EIF2S1: variants seen among roughly 807,000 people sequenced by gnomAD.
EIF2S1 encodes the protein eukaryotic translation initiation factor 2 subunit 1.
EIF2S1 carries 5 observed loss-of-function variants against 33.5 expected under a neutral mutation model. The observed-to-expected ratio is 0.15, with a 90% CI of 0.08 to 0.31. EIF2S1 has a LOEUF of 0.31. EIF2S1 is among the 10% of genes least tolerant of loss of function. EIF2S1 has a pLI of 1.00. For missense variants in EIF2S1, 191 were observed against 384.6 expected (o/e 0.50, Z 4.21); for synonymous variants, 99 against 127.5 (o/e 0.78, Z 1.51).
At chr14:67,382,895 A>G (rs2085895872) in intron 7 of EIF2S1, among the ~76,000 whole-genome samples, 1 of 146,800 alleles carries the variant, frequency 6.8e-6, no homozygotes, top group Non-Finnish European at 1.5e-5. Context: ...AAGTGTGTGT[A>G]CGTGCGTGCG....
At chr14:67,383,287 G>A (rs753909867) in intron 7 of EIF2S1, 28 bp from the exon 8 acceptor site, 2 of 1,609,158 alleles carry the variant, frequency 1.2e-6, no homozygotes, top group African/African-American at 2.7e-5. Context: ...TACTACTTCA[G>A]TTTGAAATTA....
chr14:67,373,895 TTCCTTAAAC>T (rs1277409456), intron 2 of EIF2S1, among the ~76,000 whole-genome samples: 1 of 151,404 alleles, frequency 6.6e-6, no homozygotes, highest in East Asian at 1.9e-4. Context: ...GATAGCCTCT[TTCCTTAAAC>T]TAAATGAACA....
chr14:67,381,753 T>A, intron 6 of EIF2S1, 63 bp downstream of exon 6: 1 of 1,178,192 alleles, frequency 8.5e-7, no homozygotes, highest in Non-Finnish European at 1.2e-6. Flanking sequence ...GGATCTTTGA[T>A]CTTTGTTTCT....
intron 4 of EIF2S1, among the ~76,000 whole-genome samples, chr14:67,379,654 C>CTTTTTTTTTTTTTTTTTTTTTTTTT (rs541791101): frequency 5.8e-5 from 7 of 119,956 alleles, no homozygotes; most frequent in Admixed American, 1.8e-4. Flanking sequence ...TTTTCTTTTT[C>CTTTTTTTTTTTTTTTTTTTTTTTTT]TTTTTTTTTT....
intron 4 of EIF2S1, among the ~76,000 whole-genome samples, chr14:67,379,054 C>A (rs2085872435): frequency 6.6e-6 from 1 of 152,118 alleles, no homozygotes; most frequent in Admixed American, 6.5e-5. Flanking sequence ...TATACTTGAT[C>A]CATATTAATC....
At chr14:67,367,105 A>G (rs925534242) in intron 2 of EIF2S1, among the ~76,000 whole-genome samples, 3 of 152,196 alleles carry the variant, frequency 2.0e-5, no homozygotes, top group Admixed American at 1.3e-4. Flanking sequence ...AACTACTGAA[A>G]CACAGGGTGG....
At chr14:67,378,939 CTA>C (rs765991692) in intron 4 of EIF2S1, among the ~76,000 whole-genome samples, 17 of 152,154 alleles carry the variant, frequency 1.1e-4, no homozygotes, top group Middle Eastern at 3.2e-3. Context: ...ACATATGTGT[CTA>C]TTATCATTTT....
chr14:67,383,301 C>T lies in EIF2S1; in HGVS notation c.823-14C>T. The T allele has an allele frequency of 1.2e-6, 2 of 1,611,702 alleles. No homozygotes were observed. The highest frequency in any genetic ancestry group is 1.1e-5 in the South Asian group (1 of 90,976). ...TTACTACTTCAGTTTGAAATTATAC[C>T]TCTGCTTCCACAGCCCAAAGTGGTC... is the stretch of plus-strand genomic sequence containing the variant. On this transcript the variant is annotated splice_polypyrimidine_tract_variant and intron_variant, in intron 7 of 7. Coordinates refer to ENST00000256383, the MANE Select transcript of EIF2S1 (RefSeq NM_004094.5).
chr14:67,360,502 G>C (rs2085727799), intron 1 of EIF2S1, 46 bp downstream of exon 1: 1 of 322,220 alleles, frequency 3.1e-6, no homozygotes, highest in Non-Finnish European at 5.6e-6. Flanking sequence ...ACTTTGGTTT[G>C]TGTCCAGTGA....
intron 1 of EIF2S1, among the ~76,000 whole-genome samples, chr14:67,361,760 T>G (rs2085743515): frequency 6.6e-6 from 1 of 152,242 alleles, no homozygotes; most frequent in Non-Finnish European, 1.5e-5. Context: ...AAGAGTATTA[T>G]AGCATGTTGT....
chr14:67,374,864 A>T (rs143671057), intron 3 of EIF2S1, among the ~76,000 whole-genome samples: 1 of 152,292 alleles, frequency 6.6e-6, no homozygotes, highest in East Asian at 1.9e-4. Flanking sequence ...TCAGCCCTCC[A>T]AAGTGCTGGG....
At chr14:67,373,842 AGTGTGTGTGTGTGT>A (rs35163593) in intron 2 of EIF2S1, among the ~76,000 whole-genome samples, 2 of 145,686 alleles carry the variant, frequency 1.4e-5, no homozygotes, top group South Asian at 2.2e-4. Flanking sequence ...TAATTTGTTC[AGTGTGTGTGTGTGT>A]GTGTGTGTGT....
At position 67,374,501 on chromosome 14, in the gene EIF2S1, C is replaced by G; in HGVS notation, c.275C>G (p.Pro92Arg). The G allele has an allele frequency of 6.2e-7, 1 of 1,606,556 alleles. No homozygotes were observed. Among genetic ancestry groups the G allele is most frequent in the Admixed American group, 1.7e-5 (1 of 59,576 alleles). The change falls in exon 3 of 8, where the codon CCA (proline) becomes CGA (arginine). Residue 92 changes from proline to arginine, a missense_variant. Coordinates refer to ENST00000256383, the MANE Select transcript of EIF2S1 (RefSeq NM_004094.5). ...GATTTGTCAAAAAGAAGAGTTTCTC[C>G]AGAGGAAGCAATCAAATGTGAAGAC... The part of the protein sequence containing the change: ...YIDLSKRRVS[P>R]EEAIKCEDKF...
chr14:67,369,555 G>A (rs1425222981), intron 2 of EIF2S1, among the ~76,000 whole-genome samples: 1 of 152,116 alleles, frequency 6.6e-6, no homozygotes, highest in East Asian at 1.9e-4. Context: ...CACCAAGATA[G>A]ACAATAAGGT....
chr14:67,361,413 C>T (rs2085739661), intron 1 of EIF2S1, among the ~76,000 whole-genome samples: 1 of 152,132 alleles, frequency 6.6e-6, no homozygotes, highest in Non-Finnish European at 1.5e-5. Flanking sequence ...TGTAGAGATT[C>T]GGTGATAACT....
chr14:67,379,775 C>T (rs1044306619), intron 4 of EIF2S1, among the ~76,000 whole-genome samples: 1 of 144,746 alleles, frequency 6.9e-6, no homozygotes, highest in African/African-American at 2.7e-5. Flanking sequence ...CTGCCTCAGC[C>T]TCCCAAATAG....
At chr14:67,380,591 G>T in intron 4 of EIF2S1, 68 bp from the exon 5 acceptor site, 1 of 793,162 alleles carries the variant, frequency 1.3e-6, no homozygotes, top group Non-Finnish European at 1.9e-6. Context: ...TTGTTCCATA[G>T]TGTTTGGTTT....
chr14:67,385,047 G>A lies in EIF2S1; in HGVS notation c.*1607G>A, dbSNP rs776537294. 3.9e-5 allele frequency: 6 copies of A among 152,114 alleles called. No homozygotes were observed. Among genetic ancestry groups the A allele is most frequent in the African/African-American group, 1.2e-4 (5 of 41,424 alleles). 9.4% of individuals were successfully genotyped at this position (152,114 alleles called of 1,614,324 possible). On this transcript the variant is annotated 3_prime_UTR_variant, in exon 8 of 8. Coordinates refer to ENST00000256383, the MANE Select transcript of EIF2S1 (RefSeq NM_004094.5). Reference sequence around the variant, plus strand: ...TAACTTGAAAAATACTGGTGGCGTCGATGGTGAGTGATTTTTATCCCACGT... The same window carrying A: ...TAACTTGAAAAATACTGGTGGCGTCAATGGTGAGTGATTTTTATCCCACGT...
rs1390795835 is a variant in EIF2S1 at position 67,384,396 on chromosome 14, TTC to T, written c.*958_*959del. On this transcript the variant is annotated 3_prime_UTR_variant, in exon 8 of 8. Coordinates refer to ENST00000256383, the MANE Select transcript of EIF2S1 (RefSeq NM_004094.5). ...TTTTTTTTTTACATGTTTCCATCAT[TTC>T]TGTCTTTAAGAACTAATTCGTACAT... is the stretch of plus-strand genomic sequence containing the variant. The T allele has an allele frequency of 6.6e-6, 1 of 152,000 alleles. No homozygotes were observed. Among genetic ancestry groups the T allele is most frequent in the African/African-American group, 2.4e-5 (1 of 41,396 alleles). The allele number at this position is 152,000 out of a possible 1,614,324, so 9.4% of individuals were successfully genotyped here.
Sources: allele counts gnomAD v4.1 joint callset (sites outside exome capture counted in the v4.1 genomes callset), GRCh38; gene constraint gnomAD v4.1.1; transcripts MANE v1.5; gene names NCBI Gene and HGNC (gene_info 2026-07-23, HGNC 2026-07-21).